The following GRIP1 variants were observed in gnomAD, a reference collection of about 807,000 sequenced individuals.
The protein encoded by GRIP1 is glutamate receptor interacting protein 1.
In GRIP1, 45 loss-of-function variants were observed where a neutral mutation model predicts 129.9. That is an observed-to-expected ratio of 0.35 (90% CI 0.27 to 0.44). GRIP1 has a LOEUF of 0.44. GRIP1 is among the 20% of genes least tolerant of loss of function. The pLI, the probability that GRIP1 is intolerant of heterozygous loss-of-function variation, is 1.00. For synonymous variants in GRIP1, 530 were observed against 520.8 expected (o/e 1.02, Z -0.24); for missense variants, 1,196 against 1,396.8 (o/e 0.86, Z 2.29).
At chr12:66,522,531 C>A (rs2061053769) in intron 5 of GRIP1, among the ~76,000 whole-genome samples, 1 of 152,200 alleles carries the variant, frequency 6.6e-6, no homozygotes, top group African/African-American at 2.4e-5. Context: ...AAAAACACAT[C>A]TGTACGTCAC....
At chr12:66,459,813 T>C (rs2059080806) in intron 9 of GRIP1, among the ~76,000 whole-genome samples, 1 of 152,196 alleles carries the variant, frequency 6.6e-6, no homozygotes, top group Non-Finnish European at 1.5e-5. Context: ...ACACTCCAAA[T>C]GTTTTCTGTT....
chr12:67,028,526 TTATTTAGTATAA>T (rs1413746417), intron 1 of GRIP1, among the ~76,000 whole-genome samples: 1 of 152,204 alleles, frequency 6.6e-6, no homozygotes, highest in African/African-American at 2.4e-5. Flanking sequence ...CGTGCCCATA[TTATTTAGTATAA>T]TGCAGAATAT....
chr12:66,843,900 C>T (rs1369159806), intron 1 of GRIP1, among the ~76,000 whole-genome samples: 1 of 152,064 alleles, frequency 6.6e-6, no homozygotes. Context: ...TTGAAAATGA[C>T]TTCTTGGATA....
intron 1 of GRIP1, among the ~76,000 whole-genome samples, chr12:66,873,483 C>T (rs987583347): frequency 1.3e-5 from 2 of 152,044 alleles, no homozygotes; most frequent in African/African-American, 4.8e-5. Context: ...AGTCTTGATA[C>T]TATCAAAATA....
intron 1 of GRIP1, among the ~76,000 whole-genome samples, chr12:66,932,658 ATGTTTTTTGTTTT>A (rs928819777): frequency 1.3e-5 from 2 of 151,776 alleles, no homozygotes; most frequent in African/African-American, 2.4e-5. Context: ...TAGATTATCA[ATGTTTTTTGTTTT>A]TGTTTTTTGT....
chr12:66,871,536 T>A (rs2040296027), intron 1 of GRIP1, among the ~76,000 whole-genome samples: 1 of 152,114 alleles, frequency 6.6e-6, no homozygotes, highest in Non-Finnish European at 1.5e-5. Context: ...ATAATACCTA[T>A]GAGGTGCTTA....
At chr12:66,671,677 G>C (rs1265954564) in intron 1 of GRIP1, among the ~76,000 whole-genome samples, 1 of 152,132 alleles carries the variant, frequency 6.6e-6, no homozygotes, top group Non-Finnish European at 1.5e-5. Flanking sequence ...AAACAGAAGG[G>C]CTGCTTCTCG....
intron 1 of GRIP1, among the ~76,000 whole-genome samples, chr12:66,723,318 T>C (rs1456835509): frequency 5.3e-4 from 52 of 97,550 alleles, no homozygotes; most frequent in African/African-American, 1.8e-3. Flanking sequence ...TTTTTTTTTT[T>C]TTTTTTTTTT....
chr12:66,407,676 C>T (rs550149753), intron 15 of GRIP1, among the ~76,000 whole-genome samples: 17 of 152,200 alleles, frequency 1.1e-4, no homozygotes, highest in Non-Finnish European at 1.6e-4. Flanking sequence ...GGGAATCACC[C>T]ATTCCGGTGG....
chr12:66,841,289 A>G (rs146864580), intron 1 of GRIP1, among the ~76,000 whole-genome samples: 2 of 152,194 alleles, frequency 1.3e-5, no homozygotes, highest in Admixed American at 6.5e-5. Context: ...TAGTCCTTCA[A>G]GGGATACCAA....
chr12:66,668,570 C>A lies in GRIP1; in HGVS notation c.55+10280G>T, dbSNP rs749844518. On this transcript the variant is annotated intron_variant, in intron 1 of 24. Coordinates refer to ENST00000359742, the MANE Select transcript of GRIP1 (RefSeq NM_001366722.1). ...AGGGGAAGGAGGAAGGTATGGAACA[C>A]CCCTCTAGTTAAATAGGAAATTGGG... Among the ~76,000 whole-genome samples the A allele has an allele frequency of 3.5e-4, 53 of 152,232 alleles. 1 individual carries two copies. Among genetic ancestry groups the A allele is most frequent in the Non-Finnish European group, 6.5e-4 (44 of 68,010 alleles).
intron 2 of GRIP1, among the ~76,000 whole-genome samples, chr12:66,586,849 G>A (rs1278826075): frequency 6.6e-6 from 1 of 152,092 alleles, no homozygotes; most frequent in African/African-American, 2.4e-5. Flanking sequence ...CCTGCTAACT[G>A]GTCTTCTTGT....
At chr12:66,650,066 T>C (rs186449347) in intron 1 of GRIP1, among the ~76,000 whole-genome samples, 1 of 152,326 alleles carries the variant, frequency 6.6e-6, no homozygotes, top group Non-Finnish European at 1.5e-5. Context: ...TTGCCTGTCG[T>C]GCCCAACGGC....
In GRIP1 at chr12:66,347,753, G is replaced by A. The variant is rs2054037333; in HGVS notation, c.*1266C>T. 8.9e-6 allele frequency: 1 copy of A among 112,412 alleles called. No homozygotes were observed. The highest frequency in any genetic ancestry group is 1.9e-5 in the Non-Finnish European group (1 of 53,728). The allele number at this position is 112,412 out of a possible 1,614,324, so 7.0% of individuals were successfully genotyped here. A position where few individuals can be genotyped will look rare whatever the true frequency, so the allele number is the denominator to read the frequency against. ...AATATTTTTTTTGCACAAAAAGAAA[G>A]GTGATTTTTTTTTTATATTTCCTTA... is the stretch of plus-strand genomic sequence containing the variant. On this transcript the variant is annotated 3_prime_UTR_variant, in exon 25 of 25. Coordinates refer to ENST00000359742, the MANE Select transcript of GRIP1 (RefSeq NM_001366722.1).
At chr12:67,035,255 G>A (rs938581217) in intron 1 of GRIP1, among the ~76,000 whole-genome samples, 5 of 152,128 alleles carry the variant, frequency 3.3e-5, no homozygotes, top group African/African-American at 7.2e-5. Flanking sequence ...CTCGGGCTTC[G>A]CAGAAGCTCT....
At chr12:66,647,749 C>T (rs1592697894) in intron 1 of GRIP1, among the ~76,000 whole-genome samples, 1 of 152,180 alleles carries the variant, frequency 6.6e-6, no homozygotes, top group South Asian at 2.1e-4. Context: ...TCAAAAGGTA[C>T]TTTGTAAATC....
intron 15 of GRIP1, 108 bp from the exon 16 acceptor site, chr12:66,406,536 A>T: frequency 9.1e-7 from 1 of 1,093,474 alleles, no homozygotes; most frequent in South Asian, 1.2e-5. Context: ...AGAGGAAAAG[A>T]GGTTCAACTG....
intron 23 of GRIP1, among the ~76,000 whole-genome samples, chr12:66,364,516 T>G (rs1281320203): frequency 6.6e-6 from 1 of 152,078 alleles, no homozygotes; most frequent in South Asian, 2.1e-4. Context: ...TTAAAGCAGT[T>G]CAGTTGAATT....
intron 1 of GRIP1, among the ~76,000 whole-genome samples, chr12:66,857,544 G>A (rs2040028399): frequency 6.8e-6 from 1 of 147,738 alleles, no homozygotes; most frequent in African/African-American, 2.5e-5. Context: ...ATGGGGCTCT[G>A]GCTAGTCTCA....
Sources: gnomAD v4.1 joint callset for allele counts (sites outside exome capture counted in the v4.1 genomes callset) on GRCh38, gnomAD v4.1.1 for gene constraint, MANE v1.5 for transcripts, NCBI Gene and HGNC (gene_info 2026-07-23, HGNC 2026-07-21) for gene names.